GABRB3: variants seen among roughly 807,000 people sequenced by gnomAD.
GABRB3 encodes the protein gamma-aminobutyric acid type A receptor subunit beta3.
GABRB3 carries 14 observed loss-of-function variants against 52.1 expected under a neutral mutation model. That is an observed-to-expected ratio of 0.27 (90% CI 0.18 to 0.42). The LOEUF (loss-of-function observed/expected upper bound fraction) is 0.42. Ranked by LOEUF, GABRB3 falls within the 10% of genes least tolerant of loss-of-function variation. The pLI, the probability that GABRB3 is intolerant of heterozygous loss-of-function variation, is 1.00. For missense variants in GABRB3, 307 were observed against 609.1 expected (o/e 0.50, Z 5.22); for synonymous variants, 260 against 232.3 (o/e 1.12, Z -1.08).
At chr15:26,660,844 G>C (rs964471066) in intron 3 of GABRB3, among the ~76,000 whole-genome samples, 1 of 152,156 alleles carries the variant, frequency 6.6e-6, no homozygotes, top group African/African-American at 2.4e-5. Context: ...GGTTTGGGGG[G>C]GCAAGGGGTT....
chr15:26,669,097 T>C (rs990560955), intron 3 of GABRB3, among the ~76,000 whole-genome samples: 1 of 152,144 alleles, frequency 6.6e-6, no homozygotes, highest in Non-Finnish European at 1.5e-5. Flanking sequence ...AGCCCCACAC[T>C]CCGTCTATCT....
Position 26,717,280 on chromosome 15 carries a change from G to A in GABRB3, c.240+55122C>T, listed in dbSNP as rs866478847. Among the ~76,000 whole-genome samples, 74 of 110,134 alleles carry A rather than the reference G, an allele frequency of 6.7e-4. 1 individual carries two copies. The South Asian group carries it at 7.4e-3, about 11-fold the overall frequency. 72.3% of individuals were successfully genotyped at this position (110,134 alleles called of 152,430 possible). A position where few individuals can be genotyped will look rare whatever the true frequency, so the allele number is the denominator to read the frequency against. ...AGCCCAGCTCTGGGGATATCCACCC[G>A]ATGACAGCCCAGCTCTGGGGACCTC... On this transcript the variant is annotated intron_variant, in intron 3 of 8. Coordinates refer to ENST00000311550, the MANE Select transcript of GABRB3 (RefSeq NM_000814.6).
chr15:26,562,380 G>A (rs1180276518), intron 7 of GABRB3, among the ~76,000 whole-genome samples: 1 of 152,190 alleles, frequency 6.6e-6, no homozygotes. Context: ...AAGAGAATAG[G>A]TTCCTCCGCA....
intron 3 of GABRB3, among the ~76,000 whole-genome samples, chr15:26,636,956 G>T (rs1381350300): frequency 2.6e-5 from 4 of 152,060 alleles, no homozygotes; most frequent in Non-Finnish European, 5.9e-5. Flanking sequence ...TGTCCTAACT[G>T]GGTCCTTGCA....
intron 3 of GABRB3, among the ~76,000 whole-genome samples, chr15:26,625,897 CTT>C (rs1160183026): frequency 6.6e-6 from 1 of 152,172 alleles, no homozygotes; most frequent in African/African-American, 2.4e-5. Context: ...AACGTTCCCT[CTT>C]TTGCCAGACC....
intron 3 of GABRB3, among the ~76,000 whole-genome samples, chr15:26,718,039 A>T (rs1046247159): frequency 6.6e-6 from 1 of 152,198 alleles, no homozygotes; most frequent in South Asian, 2.1e-4. Context: ...CAACCAAAAA[A>T]AATGTCATAC....
chr15:26,734,750 C>G (rs929896884), intron 3 of GABRB3, among the ~76,000 whole-genome samples: 3 of 151,606 alleles, frequency 2.0e-5, no homozygotes, highest in African/African-American at 7.3e-5. Context: ...CCAGCCTGGG[C>G]AACACAGCAA....
chr15:26,618,840 A>C (rs1344810861), intron 4 of GABRB3, among the ~76,000 whole-genome samples: 1 of 152,110 alleles, frequency 6.6e-6, no homozygotes, highest in African/African-American at 2.4e-5. Flanking sequence ...AAACAATCCC[A>C]TCAAAAAGTG....
intron 4 of GABRB3, among the ~76,000 whole-genome samples, chr15:26,598,353 T>C (rs1436274794): frequency 1.3e-5 from 2 of 152,154 alleles, no homozygotes; most frequent in Non-Finnish European, 2.9e-5. Context: ...AGAAACTGAA[T>C]GGATTGGGTG....
At chr15:26,611,144 AC>A (rs1892053916) in intron 4 of GABRB3, among the ~76,000 whole-genome samples, 1 of 152,148 alleles carries the variant, frequency 6.6e-6, no homozygotes, top group African/African-American at 2.4e-5. Context: ...GGAAATGATA[AC>A]TAGTTTTGTA....
chr15:26,741,059 T>A (rs778427275), intron 3 of GABRB3, among the ~76,000 whole-genome samples: 9,519 of 74,926 alleles, frequency 0.13, 392 homozygotes, highest in South Asian at 0.25. Flanking sequence ...TGTGTGTGTG[T>A]GTGTGTGTGT....
chr15:26,713,982 G>T (rs1330498881), intron 3 of GABRB3, among the ~76,000 whole-genome samples: 3 of 152,204 alleles, frequency 2.0e-5, no homozygotes, highest in Admixed American at 2.0e-4. Context: ...CCATGGCGGG[G>T]CTGAGGTGAC....
chr15:26,625,552 AC>A, intron 3 of GABRB3: 1 of 925,778 alleles, frequency 1.1e-6, no homozygotes. Context: ...AACAGAAGAT[AC>A]TTTGAGACTT....
intron 3 of GABRB3, among the ~76,000 whole-genome samples, chr15:26,723,632 T>C (rs938678291): frequency 6.6e-6 from 1 of 152,222 alleles, no homozygotes; most frequent in Non-Finnish European, 1.5e-5. Context: ...CAATGAATTC[T>C]CCTAGAAGTT....
intron 3 of GABRB3, among the ~76,000 whole-genome samples, chr15:26,631,363 T>G (rs566095020): frequency 6.6e-6 from 1 of 152,224 alleles, no homozygotes; most frequent in Non-Finnish European, 1.5e-5. Context: ...GAATACACAT[T>G]TGAAAGCGGA....
chr15:26,704,693 C>T (rs987405365), intron 3 of GABRB3, among the ~76,000 whole-genome samples: 2 of 152,198 alleles, frequency 1.3e-5, no homozygotes, highest in Admixed American at 1.3e-4. Context: ...CTAGCCATTG[C>T]TTTTAATTGC....
chr15:26,608,754 C>T (rs1468801437), intron 4 of GABRB3, among the ~76,000 whole-genome samples: 2 of 152,104 alleles, frequency 1.3e-5, no homozygotes, highest in Non-Finnish European at 1.5e-5. Flanking sequence ...AATGAGATAA[C>T]ATCTAATACC....
intron 3 of GABRB3, among the ~76,000 whole-genome samples, chr15:26,641,026 A>C (rs1893186023): frequency 6.6e-6 from 1 of 152,198 alleles, no homozygotes; most frequent in Non-Finnish European, 1.5e-5. Flanking sequence ...ATGTCACAAA[A>C]GCTGCAATCC....
intron 3 of GABRB3, among the ~76,000 whole-genome samples, chr15:26,672,639 AAG>A (rs1019900045): frequency 3.9e-5 from 6 of 152,056 alleles, no homozygotes; most frequent in Non-Finnish European, 7.4e-5. Context: ...CCCTGAACCT[AAG>A]AGAGTGGAGA....
Sources: allele counts gnomAD v4.1 joint callset (sites outside exome capture counted in the v4.1 genomes callset), GRCh38; gene constraint gnomAD v4.1.1; transcripts MANE v1.5; gene names NCBI Gene and HGNC (gene_info 2026-07-23, HGNC 2026-07-21).